METTL25: variants seen among roughly 807,000 people sequenced by gnomAD.
METTL25 encodes methyltransferase like 25.
METTL25 carries 64 observed loss-of-function variants against 71.6 expected under a neutral mutation model. The ratio of observed to expected loss-of-function variants is 0.89; its 90% CI spans 0.73 to 1.10. The LOEUF is 1.10. Among genes scored for constraint, METTL25 ranks in the 50% least tolerant of loss-of-function variants. The probability of loss-of-function intolerance (pLI) is 0.00; values close to 1 mark genes in which losing one functional copy is unlikely to be tolerated. For missense variants in METTL25, 807 were observed against 707.0 expected (o/e 1.14, Z -1.60); for synonymous variants, 287 against 250.3 (o/e 1.15, Z -1.38).
chr12:82,408,813 GAA>G (rs1165438585), intron 5 of METTL25, among the ~76,000 whole-genome samples: 5 of 152,126 alleles, frequency 3.3e-5, no homozygotes, highest in Non-Finnish European at 7.3e-5. Flanking sequence ...GACTTACAGA[GAA>G]AGGGGTTTAT....
chr12:82,434,289 A>G (rs1889747751), intron 6 of METTL25, among the ~76,000 whole-genome samples: 1 of 151,348 alleles, frequency 6.6e-6, no homozygotes, highest in South Asian at 2.1e-4. Flanking sequence ...ATGAGAAAAT[A>G]TGTTAAAATA....
In METTL25 at chr12:82,389,839, T is replaced by A; in HGVS notation, c.448T>A (p.Phe150Ile). 1.2e-6 allele frequency: 2 copies of A among 1,603,858 alleles called. No homozygotes were observed. The highest frequency in any genetic ancestry group is 1.7e-6 in the Non-Finnish European group (2 of 1,173,364). Residue 150 changes from phenylalanine (F) to isoleucine (I), a missense_variant, in exon 3 of 12, where the codon TTT becomes ATT. Transcript: ENST00000248306. ...AGGTGAAAATCAGAAGGCAGTTGAG[T>A]TTATGAATATGAAGAAATCTCATGA... ...RIGENQKAVE[F>I]MNMKKSHEVQ...
intron 9 of METTL25, among the ~76,000 whole-genome samples, chr12:82,473,607 T>C (rs1282050722): frequency 1.3e-5 from 2 of 152,132 alleles, no homozygotes; most frequent in Non-Finnish European, 2.9e-5. Context: ...ATTGGGCCTT[T>C]GGGTAGCTCA....
chr12:82,456,721 T>G lies in METTL25; in HGVS notation c.1479-6T>G. ...AACTAAAAATTTATTCAATTTTGTT[T>G]TACAGTGATCGGCATGTTGGTAAAA... is the stretch of plus-strand genomic sequence containing the variant. On this transcript the variant is annotated splice_polypyrimidine_tract_variant and splice_region_variant and intron_variant, in intron 8 of 11. Coordinates refer to ENST00000248306, the MANE Select transcript of METTL25 (RefSeq NM_032230.3). 6.4e-7 allele frequency: 1 copy of G among 1,553,446 alleles called. No individual in the cohort carries two copies. The highest frequency in any genetic ancestry group is 8.8e-7 in the Non-Finnish European group (1 of 1,142,210).
At chr12:82,359,774 C>G (rs1470480691) in intron 1 of METTL25, among the ~76,000 whole-genome samples, 1 of 152,200 alleles carries the variant, frequency 6.6e-6, no homozygotes, top group Non-Finnish European at 1.5e-5. Flanking sequence ...TGGACACCAA[C>G]AGGCTTCTGG....
intron 8 of METTL25, among the ~76,000 whole-genome samples, chr12:82,448,474 T>A (rs961980274): frequency 6.6e-6 from 1 of 152,020 alleles, no homozygotes; most frequent in Admixed American, 6.6e-5. Flanking sequence ...ATTTCTTGGA[T>A]TAAAAATCTC....
intron 4 of METTL25, among the ~76,000 whole-genome samples, chr12:82,402,726 T>A (rs570298804): frequency 1.3e-5 from 2 of 152,292 alleles, no homozygotes; most frequent in African/African-American, 4.8e-5. Context: ...GATGTTTAAA[T>A]TGAAAGATTT....
At chr12:82,439,210 C>T (rs905221709) in intron 8 of METTL25, 1 of 151,902 alleles carries the variant, frequency 6.6e-6, no homozygotes, top group African/African-American at 2.4e-5. Context: ...AGATATTGAT[C>T]ACAAACAACT....
At chr12:82,420,578 T>A (rs1239859869) in intron 5 of METTL25, among the ~76,000 whole-genome samples, 2 of 152,140 alleles carry the variant, frequency 1.3e-5, no homozygotes, top group East Asian at 3.9e-4. Flanking sequence ...GTGTGAATTG[T>A]TCATTCATTA....
intron 5 of METTL25, among the ~76,000 whole-genome samples, chr12:82,423,998 A>C (rs1019156014): frequency 6.6e-6 from 1 of 152,182 alleles, no homozygotes; most frequent in African/African-American, 2.4e-5. Context: ...GGTATCTAGA[A>C]CTAGAAATAC....
At chr12:82,384,999 G>A (rs1884835487) in intron 1 of METTL25, among the ~76,000 whole-genome samples, 1 of 151,968 alleles carries the variant, frequency 6.6e-6, no homozygotes, top group Non-Finnish European at 1.5e-5. Context: ...TAAATATTTT[G>A]ATGTGGATTT....
At chr12:82,374,687 T>A (rs1287484428) in intron 1 of METTL25, among the ~76,000 whole-genome samples, 1 of 152,226 alleles carries the variant, frequency 6.6e-6, no homozygotes, top group Non-Finnish European at 1.5e-5. Flanking sequence ...TATGTGGGCA[T>A]TCCAAGTGTA....
chr12:82,475,292 T>C (rs923982923), intron 9 of METTL25, among the ~76,000 whole-genome samples: 3 of 152,190 alleles, frequency 2.0e-5, no homozygotes, highest in African/African-American at 7.2e-5. Flanking sequence ...TTTAGTCCAA[T>C]ATATTCTTCT....
At chr12:82,399,948 CAA>C (rs11404604) in intron 4 of METTL25, among the ~76,000 whole-genome samples, 18 of 142,062 alleles carry the variant, frequency 1.3e-4, no homozygotes, top group African/African-American at 3.3e-4. Context: ...CTCATTGTCT[CAA>C]AAAAAAAAAA....
chr12:82,453,870 G>T (rs574732348), intron 8 of METTL25, among the ~76,000 whole-genome samples: 1 of 152,010 alleles, frequency 6.6e-6, no homozygotes, highest in Non-Finnish European at 1.5e-5. Context: ...TACTATGCTA[G>T]GTTCTGGGGA....
intron 5 of METTL25, among the ~76,000 whole-genome samples, chr12:82,404,928 G>C (rs958698259): frequency 7.2e-6 from 1 of 138,808 alleles, no homozygotes; most frequent in Admixed American, 7.7e-5. Context: ...TGGGCAACAA[G>C]AGCAAAACTC....
intron 6 of METTL25, among the ~76,000 whole-genome samples, chr12:82,431,793 A>G (rs1468062898): frequency 1.3e-5 from 2 of 151,700 alleles, no homozygotes; most frequent in Non-Finnish European, 3.0e-5. Context: ...AACTTACCAA[A>G]TATCATAGCT....
chr12:82,369,341 G>C, intron 1 of METTL25: 1 of 349,392 alleles, frequency 2.9e-6, no homozygotes, highest in Non-Finnish European at 5.6e-6. Flanking sequence ...ACACATAGTA[G>C]GTACAAATTC....
At chr12:82,451,078 C>G (rs1891115987) in intron 8 of METTL25, among the ~76,000 whole-genome samples, 2 of 152,060 alleles carry the variant, frequency 1.3e-5, no homozygotes, top group African/African-American at 2.4e-5. Flanking sequence ...ACCAAAGAAC[C>G]TGACTCCAGA....
Sources: gnomAD v4.1 joint callset for allele counts (sites outside exome capture counted in the v4.1 genomes callset) on GRCh38, gnomAD v4.1.1 for gene constraint, MANE v1.5 for transcripts, NCBI Gene and HGNC (gene_info 2026-07-23, HGNC 2026-07-21) for gene names.